Variants in CACNA1G observed in about 807,000 individuals in gnomAD.
CACNA1G encodes voltage-dependent T-type calcium channel subunit alpha-1G.
Under a neutral mutation model 219.4 loss-of-function variants are expected in CACNA1G, and 67 were observed. The observed-to-expected ratio is 0.31, with a 90% CI of 0.25 to 0.37. The LOEUF (loss-of-function observed/expected upper bound fraction) is 0.37. Among genes scored for constraint, CACNA1G ranks in the 10% least tolerant of loss-of-function variants. CACNA1G has a pLI of 1.00. For missense variants in CACNA1G, 2,380 were observed against 3,231.4 expected, an observed-to-expected ratio of 0.74 and a Z score of 6.39; for synonymous variants, 1,296 against 1,345.3, an observed-to-expected ratio of 0.96 and a Z score of 0.80.
At chr17:50,583,010 G>A (rs1211742433) in intron 9 of CACNA1G, among the ~76,000 whole-genome samples, 2 of 152,114 alleles carry the variant, frequency 1.3e-5, no homozygotes, top group Non-Finnish European at 2.9e-5. Flanking sequence ...GGCAGGAGGA[G>A]GTGGTCCAGA....
chr17:50,612,727 C>G (rs1399020898), intron 26 of CACNA1G, among the ~76,000 whole-genome samples: 1 of 152,264 alleles, frequency 6.6e-6, no homozygotes, highest in African/African-American at 2.4e-5. Context: ...CTTCTGTACC[C>G]TTCCTCCCTC....
At chr17:50,601,230 C>G (rs528504128) in intron 19 of CACNA1G, 56 bp downstream of exon 19, 17 of 1,594,440 alleles carry the variant, frequency 1.1e-5, no homozygotes, top group Admixed American at 1.7e-5. Flanking sequence ...CACTCAGGAC[C>G]AGTGAGGGAG....
chr17:50,601,983 C>T (rs950803773), intron 19 of CACNA1G, among the ~76,000 whole-genome samples: 3 of 152,110 alleles, frequency 2.0e-5, no homozygotes, highest in South Asian at 2.1e-4. Flanking sequence ...TGAGGAATGG[C>T]GGGAGCAGCC....
intron 8 of CACNA1G, among the ~76,000 whole-genome samples, chr17:50,577,354 G>T (rs1280200415): frequency 6.6e-6 from 1 of 151,522 alleles, no homozygotes; most frequent in Non-Finnish European, 1.5e-5. Context: ...GCTTTACCTG[G>T]TACTCTCTGA....
intron 16 of CACNA1G, 25 bp from the exon 17 acceptor site, chr17:50,599,403 C>T: frequency 6.6e-7 from 1 of 1,510,700 alleles, no homozygotes; most frequent in Non-Finnish European, 8.9e-7. Flanking sequence ...CTGCCTGAGA[C>T]CACTCCTCCC....
In CACNA1G at chr17:50,626,806, C is replaced by G. The variant is rs1432429288; in HGVS notation, c.*55C>G. The G allele has an allele frequency of 1.9e-6, 3 of 1,609,984 alleles. No individual in the cohort carries two copies. In the South Asian group the frequency reaches 3.3e-5, roughly 18 times the overall value. ...TCCACTGGGTGCCAAGTCCTAGCTC[C>G]TCCTCCTGGGCTATATTCCTGACAA... On this transcript the variant is annotated 3_prime_UTR_variant, in exon 38 of 38. Coordinates refer to ENST00000359106, the MANE Select transcript of CACNA1G (RefSeq NM_018896.5). The surrounding 1 kb of genome is among the most constrained non-coding windows in gnomAD (Gnocchi z 4.3).
chr17:50,624,334 C>CCA, intron 36 of CACNA1G, 26 bp from the exon 37 acceptor site: 2 of 1,304,494 alleles, frequency 1.5e-6, no homozygotes, highest in Non-Finnish European at 2.2e-6. Flanking sequence ...TCCCCCCACC[C>CCA]CTCCCCCGCT....
rs1163092507 is a variant in CACNA1G, at chr17:50,604,236, C to A, written c.4251C>A (p.Val1417=). ...TGAAACCCATCGGCAACATTGTAGTCATCTGCTGTGCCTTCTTCATCATTT... is the reference window on the plus strand; with the variant it reads ...TGAAACCCATCGGCAACATTGTAGTAATCTGCTGTGCCTTCTTCATCATTT... ...SSLKPIGNIV[V]ICCAFFIIFG... The change falls in exon 22 of 38, where the codon GTC becomes GTA. Residue 1417 remains valine (V), a synonymous_variant. Transcript: ENST00000359106. 44 of 1,613,706 alleles carry A rather than the reference C, an allele frequency of 2.7e-5. No individual in the cohort carries two copies. Among genetic ancestry groups the A allele is most frequent in the Middle Eastern group, 1.6e-4 (1 of 6,080 alleles).
intron 26 of CACNA1G, among the ~76,000 whole-genome samples, chr17:50,611,026 C>T (rs994616082): frequency 9.2e-5 from 14 of 152,108 alleles, no homozygotes; most frequent in East Asian, 7.7e-4. Context: ...GAGGCTGAGG[C>T]GGGCAGATCA....
Position 50,596,687 on chromosome 17 carries a change from A to G in CACNA1G, c.3064+41A>G. On this transcript the variant is annotated intron_variant, in intron 15 of 37. Coordinates refer to ENST00000359106, the MANE Select transcript of CACNA1G (RefSeq NM_018896.5). This position sits in a 1 kb window ranked among gnomAD's most constrained non-coding sequence, Gnocchi z 4.8. ...GGGGTGCGACTTTTGGCCCTGGGCC[A>G]GCCCTGTGTGGACTCGGGATCTCTC... 6.2e-7 allele frequency: 1 copy of G among 1,613,644 alleles called. No individual in the cohort carries two copies. The highest frequency in any genetic ancestry group is 1.3e-5 in the African/African-American group (1 of 75,024).
intron 16 of CACNA1G, 96 bp from the exon 17 acceptor site, chr17:50,599,332 T>C (rs1191503664): frequency 7.2e-6 from 8 of 1,114,314 alleles, no homozygotes; most frequent in African/African-American, 1.6e-5. Flanking sequence ...CTACACTTGA[T>C]GTGATGCCAG....
At chr17:50,561,773 G>T (rs982559850) in intron 1 of CACNA1G, 72 bp downstream of exon 1, 8 of 1,212,224 alleles carry the variant, frequency 6.6e-6, no homozygotes, top group Admixed American at 5.7e-5. Flanking sequence ...GGGTCGGGGG[G>T]GAAGAAGACC....
At chr17:50,601,552 A>G (rs561362227) in intron 19 of CACNA1G, among the ~76,000 whole-genome samples, 640 of 152,272 alleles carry the variant, frequency 4.2e-3, no homozygotes, top group Admixed American at 6.7e-3. Flanking sequence ...CAGAGTGGCC[A>G]TGGAAGCCGT....
At position 50,595,843 on chromosome 17, in the gene CACNA1G, C is replaced by T. The variant is rs559854192; in HGVS notation, c.2980-719C>T. Among the ~76,000 whole-genome samples the T allele has an allele frequency of 2.9e-4, 44 of 152,338 alleles. No individual in the cohort carries two copies. The South Asian group carries it at 4.3e-3, about 15-fold the overall frequency. On this transcript the variant is annotated intron_variant, in intron 14 of 37. Coordinates refer to ENST00000359106, the MANE Select transcript of CACNA1G (RefSeq NM_018896.5). Reference sequence around the variant, plus strand: ...TAAACTGAGTTAATGAAAATGATCCCCTGAGATGCCAATTACCCAATATTT... The same window carrying T: ...TAAACTGAGTTAATGAAAATGATCCTCTGAGATGCCAATTACCCAATATTT...
chr17:50,611,301 C>G (rs113899188), intron 26 of CACNA1G, among the ~76,000 whole-genome samples: 5,631 of 151,708 alleles, frequency 0.037, 347 homozygotes, highest in African/African-American at 0.13. Context: ...CATAAGGACC[C>G]CCATGGCTGC....
Position 50,567,016 on chromosome 17 carries a change from C to G in CACNA1G, c.243-1854C>G, listed in dbSNP as rs944591966. On this transcript the variant is annotated intron_variant, in intron 1 of 37. Transcript: ENST00000359106. ...TTCCCTGCAGAGGAGAGGAGGGGAC[C>G]TGCATGGGGAAAGCAGACCAGTTCT... Among the ~76,000 whole-genome samples, 4 of 152,222 alleles carry G rather than the reference C, an allele frequency of 2.6e-5. No individual in the cohort carries two copies. In the East Asian group the frequency reaches 5.8e-4, roughly 22 times the overall value.
In CACNA1G at chr17:50,568,971, G is replaced by A. The variant is rs781240948; in HGVS notation, c.344G>A (p.Arg115Gln). The change falls in exon 2 of 38, where the codon CGG (arginine) becomes CAG (glutamine). Residue 115 changes from arginine (R) to glutamine (Q), a missense_variant. By Grantham distance (43) the Arg-to-Gln change is conservative. Transcript: ENST00000359106. ...EDIACDSQRC[R>Q]ILQAFDDFIF... ...ATCGCCTGTGACTCCCAGCGCTGCC[G>A]GATCCTGCAGGTGAGTGTGTGTGTG... 11 of 1,553,492 alleles carry A rather than the reference G, an allele frequency of 7.1e-6. 1 individual carries two copies. Among genetic ancestry groups the A allele is most frequent in the Middle Eastern group, 1.7e-4 (1 of 5,860 alleles).
At chr17:50,624,670 G>A in intron 37 of CACNA1G, 141 bp downstream of exon 37, 1 of 887,024 alleles carries the variant, frequency 1.1e-6, no homozygotes, top group Non-Finnish European at 1.7e-6. Flanking sequence ...CAGATACCAG[G>A]GACACAGTAC....
At position 50,619,818 on chromosome 17, in the gene CACNA1G, G is replaced by C. The variant is rs778293092; in HGVS notation, c.5917G>C (p.Asp1973His). The C allele has an allele frequency of 1.9e-6, 3 of 1,604,108 alleles. No individual in the cohort carries two copies. The highest frequency in any genetic ancestry group is 1.7e-6 in the Non-Finnish European group (2 of 1,177,732). Residue 1973 changes from aspartate to histidine, a missense_variant, in exon 34 of 38, where the codon GAC becomes CAC. Asp to His is a moderately conservative substitution (Grantham distance 81). Around this residue, in one of 17 missense-constraint regions of CACNA1G, gnomAD observed 672 missense variants for 670.5 expected, o/e 1.00. Transcript: ENST00000359106. The stretch of plus-strand genomic sequence containing the variant: ...TTCTGCCCCCAGCCTGGGAGGCTCC[G>C]ACCCACAGGTTACTGTGCCCCTGTG... The part of the protein sequence containing the change: ...FPSAPSLGGS[D>H]PQIPLAEMEA...
Sources: allele counts gnomAD v4.1 joint callset (sites outside exome capture counted in the v4.1 genomes callset), GRCh38; gene constraint gnomAD v4.1.1; regional missense constraint gnomAD v4.1.1; non-coding constraint Gnocchi (gnomAD v3.1); transcripts MANE v1.5; gene names NCBI Gene and HGNC (gene_info 2026-07-23, HGNC 2026-07-21).